The following TAPBPL variants were observed in gnomAD, a reference collection of about 807,000 sequenced individuals.
TAPBPL encodes tapasin-related protein.
A neutral mutation model predicts 44.8 loss-of-function variants in TAPBPL; 32 were observed. The ratio of observed to expected loss-of-function variants is 0.71; its 90% confidence interval spans 0.54 to 0.96. The LOEUF is 0.96. TAPBPL is among the 40% of genes least tolerant of loss of function. The pLI, the probability that TAPBPL is intolerant of heterozygous loss-of-function variation, is 0.00. For missense variants in TAPBPL, 520 were observed against 586.6 expected (o/e 0.89, Z 1.17); for synonymous variants, 230 against 240.7 (o/e 0.96, Z 0.41).
chr12:6,452,702 A>G (rs1357150983), intron 1 of TAPBPL: 2 of 895,720 alleles, frequency 2.2e-6, no homozygotes, highest in East Asian at 8.1e-5. Context: ...GCAGGCTGTC[A>G]GTGCCCCAGC....
chr12:6,463,797 A>G (rs755103226), downstream of TAPBPL: 1 of 1,189,394 alleles, frequency 8.4e-7, no homozygotes, highest in Non-Finnish European at 1.1e-6. This position sits in a 1 kb window ranked among gnomAD's most constrained non-coding sequence, Gnocchi z 4.0. Flanking sequence ...AAGTCCTGCT[A>G]TTTTCACAAT....
intron 5 of TAPBPL, among the ~76,000 whole-genome samples, chr12:6,459,456 T>G (rs1374670956): frequency 6.6e-6 from 1 of 152,194 alleles, no homozygotes; most frequent in Non-Finnish European, 1.5e-5. Flanking sequence ...CGGAGGTAAT[T>G]CTATTTATTG....
intron 3 of TAPBPL, among the ~76,000 whole-genome samples, chr12:6,454,089 C>G (rs2532499): frequency 0.67 from 101,165 of 151,872 alleles, 34,009 homozygotes; most frequent in East Asian, 0.78. Flanking sequence ...AGATATGGGG[C>G]ACAGAAGAAG....
chr12:6,454,286 T>C (rs11064202), intron 3 of TAPBPL, among the ~76,000 whole-genome samples: 4,303 of 151,616 alleles, frequency 0.028, 123 homozygotes, highest in African/African-American at 0.069. Flanking sequence ...CTGGCCAACA[T>C]GGTGAAACCC....
Position 6,458,786 on chromosome 12 carries a change from G to A in TAPBPL, c.1046G>A (p.Gly349Asp), listed in dbSNP as rs756080640. 46 of 1,614,122 alleles carry A rather than the reference G, an allele frequency of 2.8e-5. 1 individual carries two copies. The highest frequency in any genetic ancestry group is 4.4e-5 in the South Asian group (4 of 91,086). The change falls in exon 5 of 7, where the codon GGT (glycine) becomes GAT (aspartate). Residue 349 changes from glycine (G) to aspartate (D), a missense_variant. By Grantham distance (94) the Gly-to-Asp change is moderately conservative. Transcript: ENST00000266556. ...ELGGSPAQVS[G>D]ASFSSLRQSV... ...GGTGGATCCCCAGCCCAAGTCTCTG[G>A]TGCCTCCTTCTCCAGCCTCAGGCAA...
intron 3 of TAPBPL, among the ~76,000 whole-genome samples, chr12:6,455,657 A>C (rs1949685153): frequency 6.6e-6 from 1 of 152,098 alleles, no homozygotes; most frequent in Non-Finnish European, 1.5e-5. Flanking sequence ...AGTCCAGGGC[A>C]TGGTGGTGCA....
chr12:6,470,441 C>A, downstream of TAPBPL: 1 of 1,588,252 alleles, frequency 6.3e-7, no homozygotes, highest in Non-Finnish European at 8.6e-7. Context: ...GCAGCTGCTG[C>A]ATTGCGCCAT....
At chr12:6,463,133 G>T, downstream of TAPBPL, 1 of 1,486,096 alleles carries the variant, frequency 6.7e-7, no homozygotes, top group Non-Finnish European at 8.9e-7. The surrounding 1 kb of genome is among the most constrained non-coding windows in gnomAD (Gnocchi z 4.0). Context: ...CCATCCTCAG[G>T]TTCCACTGTC....
At chr12:6,457,873 A>G (rs750470665) in intron 4 of TAPBPL, 129 bp downstream of exon 4, 29 of 1,014,136 alleles carry the variant, frequency 2.9e-5, no homozygotes, top group Admixed American at 5.9e-5. Context: ...CTTAAATGCC[A>G]TCTTCACCAT....
At position 6,452,327 on chromosome 12, in the gene TAPBPL, C is replaced by A; in HGVS notation, c.64+15C>A. ...AGCAGAAACCAGTGAGTCTGGGAGT[C>A]GGGGAGAGCTGGCTGGGAGAAGAGC... On this transcript the variant is annotated intron_variant, in intron 1 of 6. Coordinates refer to ENST00000266556, the MANE Select transcript of TAPBPL (RefSeq NM_018009.5). 1.9e-6 allele frequency: 3 copies of A among 1,568,392 alleles called. No individual in the cohort carries two copies. In the South Asian group the frequency reaches 3.5e-5, roughly 18 times the overall value.
chr12:6,470,728 GA>G, downstream of TAPBPL: 1 of 667,910 alleles, frequency 1.5e-6, no homozygotes, highest in Admixed American at 2.4e-5. Context: ...ACGCCTCCCG[GA>G]TAACGGTGAC....
chr12:6,454,996 G>C (rs1949665961), intron 3 of TAPBPL, among the ~76,000 whole-genome samples: 1 of 152,068 alleles, frequency 6.6e-6, no homozygotes, highest in African/African-American at 2.4e-5. Context: ...TGACCCATTA[G>C]AAAAAGGTCT....
chr12:6,464,474 G>A (rs1232673532), downstream of TAPBPL: 5 of 1,541,766 alleles, frequency 3.2e-6, no homozygotes, highest in Admixed American at 1.0e-4. Context: ...ACATTCTCAA[G>A]TAAAAAAGTA....
intron 3 of TAPBPL, among the ~76,000 whole-genome samples, chr12:6,455,835 A>C (rs1233411641): frequency 2.0e-5 from 3 of 148,012 alleles, no homozygotes; most frequent in Non-Finnish European, 4.4e-5. Flanking sequence ...ATCTTGGCTC[A>C]CTGCAACCTC....
chr12:6,452,308 A>C lies in TAPBPL; in HGVS notation c.60A>C (p.Glu20Asp). The change falls in exon 1 of 7, where the codon GAA becomes GAC. Residue 20 changes from glutamate to aspartate, a missense_variant. By Grantham distance (45) the Glu-to-Asp change is conservative. Coordinates refer to ENST00000266556, the MANE Select transcript of TAPBPL (RefSeq NM_018009.5). ...GCCTGGCTCTATCTGGAGCAGCAGA[A>C]ACCAGTGAGTCTGGGAGTCGGGGAG... ...LLCLALSGAA[E>D]TKPHPAEGQW... 1.3e-6 allele frequency: 2 copies of C among 1,574,372 alleles called. No homozygotes were observed. Among genetic ancestry groups the C allele is most frequent in the East Asian group, 4.6e-5 (2 of 43,766 alleles).
chr12:6,470,672 CT>C, downstream of TAPBPL: 2 of 1,064,378 alleles, frequency 1.9e-6, no homozygotes, highest in Non-Finnish European at 2.8e-6. Flanking sequence ...TGCGCTGGAA[CT>C]TACTGCAGCT....
At chr12:6,452,359 A>C in intron 1 of TAPBPL, 47 bp downstream of exon 1, 1 of 1,549,508 alleles carries the variant, frequency 6.5e-7, no homozygotes, top group Non-Finnish European at 8.7e-7. Flanking sequence ...GAGCTACTGA[A>C]GCCCCAGGGT....
At chr12:6,462,705 A>T (rs541765403), downstream of TAPBPL, 8 of 1,003,520 alleles carry the variant, frequency 8.0e-6, no homozygotes, top group African/African-American at 8.2e-5. Flanking sequence ...GGCTTGGGAC[A>T]CATCGAGGAC....
Position 6,460,945 on chromosome 12 carries a change from G to A in TAPBPL, c.1291+7G>A, listed in dbSNP as rs1371167099. 1 of 1,614,050 alleles carries A rather than the reference G, an allele frequency of 6.2e-7. No homozygotes were observed. The highest frequency in any genetic ancestry group is 1.7e-5 in the Admixed American group (1 of 60,020). ...GGGCTTCAGAGACGGCAAGGTAAGA[G>A]CCTGGGTGCCCTTGGCTCTGGCCCT... is the stretch of plus-strand genomic sequence containing the variant. On this transcript the variant is annotated splice_region_variant and intron_variant, in intron 6 of 6. Coordinates refer to ENST00000266556, the MANE Select transcript of TAPBPL (RefSeq NM_018009.5).
Sources: allele counts gnomAD v4.1 joint callset (sites outside exome capture counted in the v4.1 genomes callset), GRCh38; gene constraint gnomAD v4.1.1; non-coding constraint Gnocchi (gnomAD v3.1); transcripts MANE v1.5; gene names NCBI Gene and HGNC (gene_info 2026-07-23, HGNC 2026-07-21).